Variants in ASIP observed in about 807,000 individuals in gnomAD.
ASIP encodes the protein agouti-signaling protein.
In ASIP, 11 loss-of-function variants were observed where a neutral mutation model predicts 10.3. The ratio of observed to expected loss-of-function variants is 1.07; its 90% CI spans 0.68 to 1.78. The LOEUF is 1.78. Ranked by LOEUF, ASIP falls within the 40% of genes most tolerant of loss-of-function variation. ASIP has a pLI of 0.00. For missense variants in ASIP, 180 were observed against 169.2 expected (o/e 1.06, Z -0.35); for synonymous variants, 70 against 70.8 (o/e 0.99, Z 0.06).
intron 1 of ASIP, among the ~76,000 whole-genome samples, chr20:34,196,173 C>CTTTTT (rs34524786): frequency 7.6e-4 from 64 of 83,676 alleles, no homozygotes; most frequent in African/African-American, 1.5e-3. Context: ...AGGGAGATTT[C>CTTTTT]TTTTTTTTTT....
chr20:34,223,647 G>A (rs1310426012), intron 1 of ASIP, among the ~76,000 whole-genome samples: 4 of 144,720 alleles, frequency 2.8e-5, no homozygotes, highest in East Asian at 2.1e-4. Context: ...GGTGAGGGGC[G>A]CCTCTGCCCG....
chr20:34,201,648 A>G (rs892131626), intron 1 of ASIP, among the ~76,000 whole-genome samples: 1 of 152,240 alleles, frequency 6.6e-6, no homozygotes, highest in African/African-American at 2.4e-5. Flanking sequence ...AGCCGGAGCC[A>G]TATACCTGGA....
At chr20:34,244,844 A>G (rs533765191) in intron 1 of ASIP, among the ~76,000 whole-genome samples, 1 of 152,334 alleles carries the variant, frequency 6.6e-6, no homozygotes, top group East Asian at 1.9e-4. Context: ...TGTAACAACA[A>G]AGCAAATTGA....
At chr20:34,223,583 C>A (rs1231899476) in intron 1 of ASIP, among the ~76,000 whole-genome samples, 4 of 146,038 alleles carry the variant, frequency 2.7e-5, no homozygotes, top group Admixed American at 6.6e-5. Context: ...CCGTGCCCTC[C>A]GGGAGGGAGG....
chr20:34,186,728 T>C, the ASIP span, among the ~76,000 whole-genome samples: 1 of 152,218 alleles, frequency 6.6e-6, no homozygotes, highest in African/African-American at 2.4e-5. Flanking sequence ...AAGAATTCTC[T>C]AGACAGTAGA....
chr20:34,258,753 AAT>A (rs72280051), intron 1 of ASIP, among the ~76,000 whole-genome samples: 2,525 of 84,026 alleles, frequency 0.03, 416 homozygotes, highest in African/African-American at 0.19. Context: ...TACTATATAT[AAT>A]ATATGATATA....
intron 1 of ASIP, among the ~76,000 whole-genome samples, chr20:34,235,833 GA>G (rs1568755869): frequency 1.5e-3 from 94 of 63,092 alleles, no homozygotes; most frequent in African/African-American, 6.5e-3. Flanking sequence ...AAGAAAGAAA[GA>G]AAGAAAGAAG....
intron 1 of ASIP, among the ~76,000 whole-genome samples, chr20:34,249,322 T>C (rs1359138821): frequency 1.3e-5 from 2 of 149,518 alleles, no homozygotes; most frequent in Admixed American, 1.3e-4. Flanking sequence ...CAATCCCCTA[T>C]CTCCTCGCCT....
At chr20:34,196,425 G>A (rs1395843618) in intron 1 of ASIP, among the ~76,000 whole-genome samples, 1 of 151,886 alleles carries the variant, frequency 6.6e-6, no homozygotes, top group Non-Finnish European at 1.5e-5. Flanking sequence ...CACCCGCCTC[G>A]GCCTCCCAAA....
intron 3 of ASIP, among the ~76,000 whole-genome samples, chr20:34,268,480 T>C (rs910684344): frequency 6.6e-6 from 1 of 152,030 alleles, no homozygotes; most frequent in African/African-American, 2.4e-5. Flanking sequence ...CCCAGCACTT[T>C]GGGAGGCCGA....
chr20:34,201,722 T>G (rs754081154), intron 1 of ASIP, among the ~76,000 whole-genome samples: 1 of 152,228 alleles, frequency 6.6e-6, no homozygotes, highest in Non-Finnish European at 1.5e-5. Flanking sequence ...TGCCTAGGTT[T>G]CAAATTCTTT....
At chr20:34,243,743 T>C (rs1011600697) in intron 1 of ASIP, among the ~76,000 whole-genome samples, 3 of 149,938 alleles carry the variant, frequency 2.0e-5, no homozygotes, top group African/African-American at 7.5e-5. Flanking sequence ...CTTTACATTT[T>C]TCTAATATTG....
upstream of ASIP, among the ~76,000 whole-genome samples, chr20:34,238,909 G>T (rs1421345661): frequency 1.3e-5 from 2 of 152,120 alleles, no homozygotes; most frequent in Non-Finnish European, 2.9e-5. Flanking sequence ...TCACCTAGAA[G>T]TTGCAAGCCT....
chr20:34,259,262 G>A lies in ASIP; in HGVS notation c.-10-1103G>A, dbSNP rs879151395. ...ATATGAGCTTGAGTTAGAAAATATA[G>A]GCCAGGTGCAGTGGCAGTGGCTGGC... On this transcript the variant is annotated intron_variant, in intron 1 of 3. Transcript: ENST00000374954. Among the ~76,000 whole-genome samples, 3 of 151,380 alleles carry A rather than the reference G, an allele frequency of 2.0e-5. No homozygotes were observed. In the Admixed American group the frequency reaches 2.0e-4, roughly 10 times the overall value.
At chr20:34,234,102 G>A (rs2035146771) in intron 1 of ASIP, among the ~76,000 whole-genome samples, 1 of 152,208 alleles carries the variant, frequency 6.6e-6, no homozygotes, top group Non-Finnish European at 1.5e-5. Flanking sequence ...ATGGATCTAA[G>A]TGGCAACTGT....
At chr20:34,245,563 T>C (rs1403336190) in intron 1 of ASIP, among the ~76,000 whole-genome samples, 1 of 150,526 alleles carries the variant, frequency 6.6e-6, no homozygotes, top group African/African-American at 2.4e-5. Flanking sequence ...AAATTTTGTA[T>C]TTTTTTTGGT....
intron 1 of ASIP, among the ~76,000 whole-genome samples, chr20:34,216,940 CTG>C (rs1221908766): frequency 5.3e-5 from 8 of 152,244 alleles, no homozygotes; most frequent in African/African-American, 1.9e-4. Flanking sequence ...CTGTGGAGCT[CTG>C]GAGACGATTT....
intron 1 of ASIP, among the ~76,000 whole-genome samples, chr20:34,253,072 T>A (rs1377913000): frequency 6.6e-6 from 1 of 152,188 alleles, no homozygotes; most frequent in Non-Finnish European, 1.5e-5. Context: ...CTTCCTTTTC[T>A]ACATAGACAC....
rs1474941153 is a variant in ASIP at position 34,262,910 on chromosome 20, TC to T, written c.222+18del. ...TCTTCTAAGGTAAGGGCAGGGAAGT[TC>T]TGGGAGTTCTCATTGTTGGGGTGAG... On this transcript the variant is annotated intron_variant, in intron 3 of 3. Transcript: ENST00000374954. 1.2e-6 allele frequency: 2 copies of T among 1,613,630 alleles called. No homozygotes were observed. The highest frequency in any genetic ancestry group is 1.7e-6 in the Non-Finnish European group (2 of 1,179,590).
Sources: allele counts gnomAD v4.1 joint callset (sites outside exome capture counted in the v4.1 genomes callset), GRCh38; gene constraint gnomAD v4.1.1; transcripts MANE v1.5; gene names NCBI Gene and HGNC (gene_info 2026-07-23, HGNC 2026-07-21).